DNAI3: variants seen among roughly 807,000 people sequenced by gnomAD.
DNAI3 encodes the protein dynein axonemal intermediate chain 3.
DNAI3 carries 83 observed loss-of-function variants against 115.5 expected under a neutral mutation model. The observed-to-expected ratio is 0.72, with a 90% confidence interval of 0.60 to 0.86. DNAI3 has a LOEUF of 0.86. Ranked by LOEUF, DNAI3 falls within the 40% of genes least tolerant of loss-of-function variation. DNAI3 has a pLI of 0.00. For missense variants in DNAI3, 1,004 were observed against 1,075.8 expected, an observed-to-expected ratio of 0.93 and a Z score of 0.93; for synonymous variants, 320 against 347.0, an observed-to-expected ratio of 0.92 and a Z score of 0.86.
At chr1:85,121,060 T>C (rs1469722137) in intron 17 of DNAI3, among the ~76,000 whole-genome samples, 1 of 152,192 alleles carries the variant, frequency 6.6e-6, no homozygotes, top group African/African-American at 2.4e-5. Flanking sequence ...AGCAAGTCAT[T>C]TAACCTCTCT....
intron 9 of DNAI3, 98 bp downstream of exon 9, chr1:85,093,746 C>A: frequency 7.0e-7 from 1 of 1,434,218 alleles, no homozygotes; most frequent in Non-Finnish European, 9.8e-7. Flanking sequence ...GTCAATAAGA[C>A]ACCTTCCATT....
intron 13 of DNAI3, 108 bp downstream of exon 13, chr1:85,098,766 A>G (rs1655201014): frequency 1.3e-6 from 2 of 1,502,474 alleles, no homozygotes; most frequent in African/African-American, 2.8e-5. Flanking sequence ...AAATTGTGAA[A>G]TAACCAGGAA....
Position 85,093,665 on chromosome 1 carries a change from G to A in DNAI3, c.1048+17G>A. Reference sequence around the variant, plus strand: ...CTATCTATGGTGAGATGGAAATGATGGGGATTCCCTTTTGTGATAACATTG... The same window carrying A: ...CTATCTATGGTGAGATGGAAATGATAGGGATTCCCTTTTGTGATAACATTG... On this transcript the variant is annotated intron_variant, in intron 9 of 22. Transcript: ENST00000294664. 2 of 1,613,326 alleles carry A rather than the reference G, an allele frequency of 1.2e-6. No individual in the cohort carries two copies. The highest frequency in any genetic ancestry group is 1.3e-5 in the African/African-American group (1 of 75,028).
intron 1 of DNAI3, among the ~76,000 whole-genome samples, chr1:85,067,259 C>T (rs1372211720): frequency 6.6e-6 from 1 of 152,186 alleles, no homozygotes; most frequent in Non-Finnish European, 1.5e-5. Context: ...AGTACCTGGT[C>T]ACTAGTCACT....
intron 19 of DNAI3, among the ~76,000 whole-genome samples, chr1:85,125,803 G>A (rs985157760): frequency 2.0e-5 from 3 of 152,234 alleles, no homozygotes; most frequent in Admixed American, 2.0e-4. Context: ...CCCTGCAGAT[G>A]TAAGTAGGCG....
At position 85,130,024 on chromosome 1, in the gene DNAI3, T is replaced by G; in HGVS notation, c.2444T>G (p.Val815Gly). The change falls in exon 22 of 23, where the codon GTC becomes GGC. Residue 815 changes from valine to glycine, a missense_variant. Transcript: ENST00000294664. ...ASVNHYFERE[V>G]KHLEYVEQRK... Reference sequence around the variant, plus strand: ...GTCAACCACTATTTTGAAAGAGAAGTCAAGCATCTGGAATACGTAGAACAG... The same window carrying G: ...GTCAACCACTATTTTGAAAGAGAAGGCAAGCATCTGGAATACGTAGAACAG... 6.2e-7 allele frequency: 1 copy of G among 1,613,010 alleles called. No homozygotes were observed. Among genetic ancestry groups the G allele is most frequent in the Non-Finnish European group, 8.5e-7 (1 of 1,179,566 alleles).
chr1:85,115,076 A>G (rs963479252), intron 16 of DNAI3, among the ~76,000 whole-genome samples: 5 of 152,222 alleles, frequency 3.3e-5, no homozygotes, highest in African/African-American at 4.8e-5. Context: ...TCTGGAGTTG[A>G]TGGTCTGGGT....
chr1:85,063,250 G>A (rs1653990617), intron 1 of DNAI3, among the ~76,000 whole-genome samples: 1 of 151,982 alleles, frequency 6.6e-6, no homozygotes, highest in Non-Finnish European at 1.5e-5. Flanking sequence ...TCGGCTTTGG[G>A]GGAAAAGTTC....
At chr1:85,084,916 C>A (rs1371190540) in intron 6 of DNAI3, among the ~76,000 whole-genome samples, 1 of 152,188 alleles carries the variant, frequency 6.6e-6, no homozygotes, top group Non-Finnish European at 1.5e-5. Flanking sequence ...ACCTCCAGCA[C>A]CTCAGAATGT....
At chr1:85,093,866 A>G (rs1251385120) in intron 9 of DNAI3, 1 of 662,538 alleles carries the variant, frequency 1.5e-6, no homozygotes, top group South Asian at 1.5e-5. Context: ...GTTTCACAAC[A>G]AAAGGACCCA....
intron 22 of DNAI3, among the ~76,000 whole-genome samples, chr1:85,131,229 G>A (rs930349655): frequency 6.6e-6 from 1 of 151,906 alleles, no homozygotes; most frequent in African/African-American, 2.4e-5. Flanking sequence ...GGCAGATCAC[G>A]AGGTCAGGAG....
chr1:85,072,466 A>AC (rs1226413404), intron 2 of DNAI3, among the ~76,000 whole-genome samples: 2 of 151,188 alleles, frequency 1.3e-5, no homozygotes, highest in African/African-American at 2.4e-5. Context: ...ACATGGTGAA[A>AC]CCCCGTCTCT....
At chr1:85,069,289 TCTC>T (rs1229576825) in intron 1 of DNAI3, among the ~76,000 whole-genome samples, 15 of 152,340 alleles carry the variant, frequency 9.8e-5, no homozygotes, top group African/African-American at 3.6e-4. Context: ...TTTCTTGCTT[TCTC>T]CTTTTTCAGA....
At chr1:85,116,292 C>T (rs1012357809) in intron 16 of DNAI3, among the ~76,000 whole-genome samples, 2 of 152,222 alleles carry the variant, frequency 1.3e-5, no homozygotes, top group Non-Finnish European at 2.9e-5. Flanking sequence ...ATTCCTGATT[C>T]TCTCTTCAGG....
At chr1:85,103,152 C>A (rs1404009567) in intron 13 of DNAI3, among the ~76,000 whole-genome samples, 1 of 152,168 alleles carries the variant, frequency 6.6e-6, no homozygotes, top group Non-Finnish European at 1.5e-5. Flanking sequence ...CTAGAAGCCC[C>A]ACCTCTGTTT....
intron 22 of DNAI3, among the ~76,000 whole-genome samples, chr1:85,131,363 G>C (rs1028805503): frequency 1.4e-5 from 2 of 143,956 alleles, no homozygotes; most frequent in African/African-American, 5.1e-5. Context: ...AGAATCACTT[G>C]AACCTGGGAG....
intron 7 of DNAI3, among the ~76,000 whole-genome samples, chr1:85,087,076 C>T (rs2100573320): frequency 6.6e-6 from 1 of 152,150 alleles, no homozygotes; most frequent in East Asian, 1.9e-4. Context: ...ATGCTCTTCC[C>T]TTGTGCTTAT....
chr1:85,064,845 C>T (rs1422573136), intron 1 of DNAI3, among the ~76,000 whole-genome samples: 1 of 152,084 alleles, frequency 6.6e-6, no homozygotes, highest in Non-Finnish European at 1.5e-5. Flanking sequence ...CCAGCCTGGC[C>T]AACATGGCAA....
At chr1:85,081,853 C>G (rs1654643467) in intron 4 of DNAI3, among the ~76,000 whole-genome samples, 1 of 152,216 alleles carries the variant, frequency 6.6e-6, no homozygotes, top group African/African-American at 2.4e-5. Context: ...GTTGCTCAAG[C>G]TGGTCTCAAA....
Sources: gnomAD v4.1 joint callset for allele counts (sites outside exome capture counted in the v4.1 genomes callset) on GRCh38, gnomAD v4.1.1 for gene constraint, MANE v1.5 for transcripts, NCBI Gene and HGNC (gene_info 2026-07-23, HGNC 2026-07-21) for gene names.